The following PIGK variants were observed in gnomAD, a reference collection of about 807,000 sequenced individuals.
PIGK encodes the protein phosphatidylinositol glycan anchor biosynthesis class K.
In PIGK, 42 loss-of-function variants were observed where a neutral mutation model predicts 50.6. That is an observed-to-expected ratio of 0.83 (90% confidence interval 0.65 to 1.07). The LOEUF is 1.07. PIGK is among the 50% of genes least tolerant of loss of function. The pLI is 0.00. For synonymous variants in PIGK, 151 were observed against 156.0 expected (o/e 0.97, Z 0.24); for missense variants, 448 against 488.7 (o/e 0.92, Z 0.78).
chr1:77,190,589 C>A (rs571894540), intron 3 of PIGK, among the ~76,000 whole-genome samples: 1 of 152,210 alleles, frequency 6.6e-6, no homozygotes, highest in East Asian at 1.9e-4. Context: ...AGTAAAAATT[C>A]TCAAAGAACA....
intron 10 of PIGK, among the ~76,000 whole-genome samples, chr1:77,103,177 A>G (rs1570180768): frequency 6.6e-6 from 1 of 152,144 alleles, no homozygotes; most frequent in African/African-American, 2.4e-5. Context: ...ATTATTGGTG[A>G]TGTTGGCTAT....
intron 9 of PIGK, among the ~76,000 whole-genome samples, chr1:77,132,260 T>C (rs557212699): frequency 2.0e-5 from 3 of 152,156 alleles, no homozygotes; most frequent in South Asian, 2.1e-4. Context: ...ATAAGTGATA[T>C]AGCTGGATTT....
At chr1:77,158,198 G>C (rs887012535) in intron 8 of PIGK, among the ~76,000 whole-genome samples, 10 of 151,766 alleles carry the variant, frequency 6.6e-5, no homozygotes, top group African/African-American at 2.4e-4. Context: ...TGTATTTTTA[G>C]TAGAGATGGG....
chr1:77,124,755 T>C (rs1252802110), intron 9 of PIGK, among the ~76,000 whole-genome samples: 2 of 152,098 alleles, frequency 1.3e-5, no homozygotes, highest in African/African-American at 2.4e-5. Context: ...GGGAGAAACT[T>C]TTTGCAAATC....
chr1:77,195,307 G>T (rs1020826145), intron 3 of PIGK: 2 of 1,340,848 alleles, frequency 1.5e-6, no homozygotes, highest in East Asian at 4.7e-5. Flanking sequence ...AGGGAAGAAA[G>T]GCTGTTTTCA....
intron 3 of PIGK, among the ~76,000 whole-genome samples, chr1:77,180,028 C>CA (rs1471749611): frequency 9.0e-4 from 131 of 145,662 alleles, no homozygotes; most frequent in Non-Finnish European, 1.5e-3. Flanking sequence ...AATCAAGACT[C>CA]AAAAAAAGAA....
chr1:77,108,981 T>A (rs1306756039), intron 10 of PIGK, among the ~76,000 whole-genome samples: 1 of 152,180 alleles, frequency 6.6e-6, no homozygotes, highest in Non-Finnish European at 1.5e-5. Flanking sequence ...TTATTCTAGT[T>A]AGCCATTCGT....
At chr1:77,095,748 T>A (rs536460622) in intron 10 of PIGK, among the ~76,000 whole-genome samples, 3 of 152,190 alleles carry the variant, frequency 2.0e-5, no homozygotes, top group Admixed American at 2.0e-4. Context: ...AAAACAGGCA[T>A]AAGTGGCATG....
chr1:77,171,418 C>A, intron 3 of PIGK, among the ~76,000 whole-genome samples: 1 of 76,224 alleles, frequency 1.3e-5, no homozygotes. Flanking sequence ...GCCTGGGCAA[C>A]AGAGCAAGAC....
intron 10 of PIGK, among the ~76,000 whole-genome samples, chr1:77,121,120 A>C (rs757780621): frequency 2.0e-5 from 3 of 152,168 alleles, no homozygotes; most frequent in East Asian, 3.8e-4. Flanking sequence ...GCAAACCACA[A>C]ACTGTTTCAT....
At position 77,172,026 on chromosome 1, in the gene PIGK, C is replaced by A. The variant is rs141456130; in HGVS notation, c.240-2631G>T. ...TTATTTTCCAAAAACTAAATGCCTG[C>A]TGCTGTGTTTAACAGAAGAGCTTCA... On this transcript the variant is annotated intron_variant, in intron 3 of 10. Transcript: ENST00000370812. 5.0e-3 allele frequency among the ~76,000 whole-genome samples: 749 copies of A among 151,080 alleles called. 4 individuals are homozygous for A. The highest frequency in any genetic ancestry group is 7.9e-3 in the Admixed American group (120 of 15,206).
chr1:77,110,630 C>A (rs1253368962), intron 10 of PIGK, among the ~76,000 whole-genome samples: 1 of 152,080 alleles, frequency 6.6e-6, no homozygotes, highest in Non-Finnish European at 1.5e-5. Context: ...TAAAGACTTA[C>A]ATGTTAGAAC....
At chr1:77,163,480 G>A (rs1025680318) in intron 6 of PIGK, among the ~76,000 whole-genome samples, 3 of 151,984 alleles carry the variant, frequency 2.0e-5, no homozygotes, top group Admixed American at 6.6e-5. Context: ...GAAGAAATAC[G>A]TCTATAACAT....
At position 77,158,077 on chromosome 1, in the gene PIGK, C is replaced by T. The variant is rs191129846; in HGVS notation, c.813+3218G>A. 2.9e-3 allele frequency among the ~76,000 whole-genome samples: 436 copies of T among 152,268 alleles called. 1 individual carries two copies. Among genetic ancestry groups the T allele is most frequent in the African/African-American group, 9.4e-3 (392 of 41,552 alleles). On this transcript the variant is annotated intron_variant, in intron 8 of 10. Transcript: ENST00000370812. ...TGTCACCCAGGCTGGAGTGCAGTGG[C>T]GCAATCTCAGCTCACTGCAACCTCT...
At chr1:77,100,026 A>C (rs189203615) in intron 10 of PIGK, among the ~76,000 whole-genome samples, 103 of 152,340 alleles carry the variant, frequency 6.8e-4, no homozygotes, top group African/African-American at 2.3e-3. Flanking sequence ...TGTACTTCCA[A>C]TTGCGAATAG....
At chr1:77,142,196 T>C (rs1654664098) in intron 9 of PIGK, among the ~76,000 whole-genome samples, 1 of 152,132 alleles carries the variant, frequency 6.6e-6, no homozygotes, top group African/African-American at 2.4e-5. Context: ...CTAATAATAA[T>C]TCCTGTCAGA....
At chr1:77,178,386 T>C (rs1049975282) in intron 3 of PIGK, among the ~76,000 whole-genome samples, 8 of 152,216 alleles carry the variant, frequency 5.3e-5, no homozygotes, top group African/African-American at 1.4e-4. Context: ...TCCTTAATGA[T>C]AGGCTCTATA....
At chr1:77,219,235 C>A (rs1656660806) in intron 1 of PIGK, 75 bp downstream of exon 1, 1 of 1,246,534 alleles carries the variant, frequency 8.0e-7, no homozygotes, top group Admixed American at 1.8e-5. Context: ...CGTCCCTCAG[C>A]TACTGTGTAT....
intron 10 of PIGK, among the ~76,000 whole-genome samples, chr1:77,112,672 A>C (rs1653881459): frequency 6.6e-6 from 1 of 152,106 alleles, no homozygotes; most frequent in Non-Finnish European, 1.5e-5. Context: ...ATTGGGCATG[A>C]GTAATTTCAT....
Sources: gnomAD v4.1 joint callset for allele counts (sites outside exome capture counted in the v4.1 genomes callset) on GRCh38, gnomAD v4.1.1 for gene constraint, MANE v1.5 for transcripts, NCBI Gene and HGNC (gene_info 2026-07-23, HGNC 2026-07-21) for gene names.